Variants in FRMD4A observed in about 807,000 individuals in gnomAD.
FRMD4A encodes the protein FERM domain containing 4A, also known as FERM domain-containing protein 4A.
FRMD4A carries 29 observed loss-of-function variants against 129.1 expected under a neutral mutation model. The ratio of observed to expected loss-of-function variants is 0.22; its 90% CI spans 0.17 to 0.31. FRMD4A has a LOEUF of 0.31. Among genes scored for constraint, FRMD4A ranks in the 10% least tolerant of loss-of-function variants. The pLI, the probability that FRMD4A is intolerant of heterozygous loss-of-function variation, is 1.00. For missense variants in FRMD4A, 1,272 were observed against 1,375.8 expected (o/e 0.92, Z 1.19); for synonymous variants, 634 against 571.6 (o/e 1.11, Z -1.56).
intron 17 of FRMD4A, chr10:13,668,535 GA>G (rs1164179791): frequency 9.2e-5 from 14 of 152,206 alleles, no homozygotes; most frequent in African/African-American, 3.1e-4. Context: ...CTTCCCAGAG[GA>G]ACCCCGCAGA....
chr10:13,658,749 G>A (rs893489617), intron 21 of FRMD4A, among the ~76,000 whole-genome samples: 1 of 152,150 alleles, frequency 6.6e-6, no homozygotes, highest in Admixed American at 6.5e-5. Context: ...AGGCGTGGTG[G>A]TAGGTGCCTG....
In FRMD4A at chr10:13,928,206, TAGA is replaced by T. The variant is rs369436383; in HGVS notation, c.46-69297_46-69295del. Among the ~76,000 whole-genome samples the T allele has an allele frequency of 4.2e-3, 643 of 152,128 alleles. 6 individuals carry two copies. The highest frequency in any genetic ancestry group is 0.015 in the African/African-American group (617 of 41,506). On this transcript the variant is annotated intron_variant, in intron 2 of 24. Coordinates refer to ENST00000357447, the MANE Select transcript of FRMD4A (RefSeq NM_018027.5). ...TAGCCAACTTTTTAAATGTTTTGCA[TAGA>T]AGAAGTCTTGCTACGTTGCCTAGGC...
At chr10:13,673,586 G>GCACA (rs201822371) in intron 16 of FRMD4A, among the ~76,000 whole-genome samples, 16 of 149,810 alleles carry the variant, frequency 1.1e-4, no homozygotes, top group African/African-American at 3.8e-4. Flanking sequence ...GCGTGCGCGC[G>GCACA]CGCACACACA....
chr10:13,962,241 G>A (rs958547443), intron 2 of FRMD4A, among the ~76,000 whole-genome samples: 2 of 152,192 alleles, frequency 1.3e-5, no homozygotes, highest in African/African-American at 4.8e-5. Context: ...AAGTGTGGCT[G>A]TTGAGATCTC....
At chr10:14,183,526 CT>C (rs59446931) in intron 2 of FRMD4A, among the ~76,000 whole-genome samples, 14,595 of 143,098 alleles carry the variant, frequency 0.1, 1,302 homozygotes, top group African/African-American at 0.24. Context: ...GGAGTTGTTT[CT>C]TTTTTTTTTT....
rs1657175784 is a variant in FRMD4A at position 13,726,388 on chromosome 10, T to A, written c.759+11456A>T. On this transcript the variant is annotated intron_variant, in intron 12 of 24. Transcript: ENST00000357447. ...TTACAAAACATCTCTCTCTTTTTGT[T>A]TAGAAGTGTAACTGCTCTAGGAAAG... Among the ~76,000 whole-genome samples the A allele has an allele frequency of 2.0e-5, 3 of 152,224 alleles. No individual in the cohort carries two copies. In the South Asian group the frequency reaches 6.2e-4, roughly 32 times the overall value.
rs565413499 is a variant in FRMD4A at position 13,683,105 on chromosome 10, G to A, written c.1118-8061C>T. 7.9e-5 allele frequency among the ~76,000 whole-genome samples: 12 copies of A among 151,728 alleles called. No homozygotes were observed. The South Asian group carries it at 1.3e-3, about 16-fold the overall frequency. ...GTGATCTCAGCTCACTGCAACCTCC[G>A]CCTCCTGGGTTCAAGTGATTCTCCT... On this transcript the variant is annotated intron_variant, in intron 15 of 24. Coordinates refer to ENST00000357447, the MANE Select transcript of FRMD4A (RefSeq NM_018027.5).
At chr10:13,993,923 A>T (rs1248943687) in intron 2 of FRMD4A, among the ~76,000 whole-genome samples, 2 of 151,624 alleles carry the variant, frequency 1.3e-5, no homozygotes, top group South Asian at 4.2e-4. Context: ...CTATTTTAAG[A>T]TTAGTTTTTT....
intron 12 of FRMD4A, among the ~76,000 whole-genome samples, chr10:13,732,610 G>A (rs2090389043): frequency 6.6e-6 from 1 of 152,262 alleles, no homozygotes; most frequent in Admixed American, 6.5e-5. Context: ...GCAGCTGCCT[G>A]GGCTGGAGAT....
chr10:13,742,275 GCTTT>G (rs2091051708), intron 9 of FRMD4A, among the ~76,000 whole-genome samples: 1 of 152,150 alleles, frequency 6.6e-6, no homozygotes, highest in Non-Finnish European at 1.5e-5. Flanking sequence ...TCCCACCCCC[GCTTT>G]CGGAAGGGCA....
intron 2 of FRMD4A, among the ~76,000 whole-genome samples, chr10:13,972,889 C>A (rs2095526050): frequency 6.6e-6 from 1 of 152,202 alleles, no homozygotes; most frequent in Non-Finnish European, 1.5e-5. Flanking sequence ...AGTCATAAGG[C>A]ATGTTTGCCT....
chr10:14,061,656 G>A (rs1834820363), intron 2 of FRMD4A, among the ~76,000 whole-genome samples: 1 of 152,004 alleles, frequency 6.6e-6, no homozygotes, highest in Non-Finnish European at 1.5e-5. Context: ...GCCCATTCTG[G>A]CTAAATGAAA....
intron 2 of FRMD4A, among the ~76,000 whole-genome samples, chr10:14,053,406 C>T (rs976674510): frequency 1.3e-5 from 2 of 152,142 alleles, no homozygotes; most frequent in African/African-American, 4.8e-5. Flanking sequence ...CCTTGTGCAG[C>T]CTGAAAACCA....
At chr10:13,664,317 AC>A (rs1467090674) in intron 18 of FRMD4A, among the ~76,000 whole-genome samples, 1 of 152,100 alleles carries the variant, frequency 6.6e-6, no homozygotes, top group Non-Finnish European at 1.5e-5. Context: ...TCTGTTGGGA[AC>A]CCCTAAGTGC....
chr10:13,981,554 C>T (rs190095787), intron 2 of FRMD4A, among the ~76,000 whole-genome samples: 138 of 151,778 alleles, frequency 9.1e-4, no homozygotes, highest in African/African-American at 2.4e-3. Flanking sequence ...GCCTGGCCAA[C>T]GTGGTGAAAC....
chr10:13,683,699 C>G (rs1451980513), intron 15 of FRMD4A, among the ~76,000 whole-genome samples: 1 of 147,694 alleles, frequency 6.8e-6, no homozygotes, highest in African/African-American at 2.5e-5. Flanking sequence ...TGAATTGTAG[C>G]TGGTCACATC....
intron 2 of FRMD4A, among the ~76,000 whole-genome samples, chr10:14,051,000 C>A (rs1834230404): frequency 6.6e-6 from 1 of 152,150 alleles, no homozygotes; most frequent in South Asian, 2.1e-4. Flanking sequence ...TACAGGAGGC[C>A]CAGGCTTGCC....
At chr10:14,120,052 T>C (rs1447552926) in intron 2 of FRMD4A, among the ~76,000 whole-genome samples, 1 of 150,442 alleles carries the variant, frequency 6.6e-6, no homozygotes. Context: ...GGTAAGTGTG[T>C]GGACAGAGCT....
chr10:14,124,065 C>A (rs1381445358), intron 2 of FRMD4A, among the ~76,000 whole-genome samples: 1 of 152,176 alleles, frequency 6.6e-6, no homozygotes, highest in East Asian at 1.9e-4. Context: ...ACACTTCTGG[C>A]AACCTGTGCA....
Sources: gnomAD v4.1 joint callset for allele counts (sites outside exome capture counted in the v4.1 genomes callset) on GRCh38, gnomAD v4.1.1 for gene constraint, MANE v1.5 for transcripts, NCBI Gene and HGNC (gene_info 2026-07-23, HGNC 2026-07-21) for gene names.